TNPO1: variants seen among roughly 807,000 people sequenced by gnomAD.
TNPO1 encodes transportin-1.
In TNPO1, 8 loss-of-function variants were observed where a neutral mutation model predicts 119.5. That is an observed-to-expected ratio of 0.07 (90% CI 0.04 to 0.12). The LOEUF is 0.12. Among genes scored for constraint, TNPO1 ranks in the 10% least tolerant of loss-of-function variants. TNPO1 has a pLI of 1.00. For missense variants in TNPO1, 576 were observed against 1,089.8 expected (o/e 0.53, Z 6.64); for synonymous variants, 362 against 363.0 (o/e 1.00, Z 0.03).
intron 11 of TNPO1, among the ~76,000 whole-genome samples, chr5:72,885,220 G>GATAT: frequency 6.6e-6 from 1 of 152,356 alleles, no homozygotes; most frequent in South Asian, 2.1e-4. Flanking sequence ...CAGAAAGAGA[G>GATAT]ATATACCCAA....
intron 22 of TNPO1, among the ~76,000 whole-genome samples, chr5:72,902,524 T>A (rs533893187): frequency 7.7e-4 from 117 of 152,092 alleles, no homozygotes; most frequent in African/African-American, 2.6e-3. Context: ...TTTTTTTTTT[T>A]AATACTTAAG....
intron 1 of TNPO1, among the ~76,000 whole-genome samples, chr5:72,822,756 C>A (rs1292005809): frequency 1.3e-5 from 2 of 151,826 alleles, no homozygotes; most frequent in African/African-American, 4.8e-5. Flanking sequence ...CCATGCCCAG[C>A]TGATTTTTTG....
chr5:72,817,866 T>C (rs1226415292), intron 1 of TNPO1, among the ~76,000 whole-genome samples: 3 of 152,226 alleles, frequency 2.0e-5, no homozygotes, highest in Non-Finnish European at 4.4e-5. Context: ...AAAGCTTTCA[T>C]GTTAGAGTGG....
At position 72,912,021 on chromosome 5, in the gene TNPO1, A is replaced by C. The variant is rs1293847984; in HGVS notation, c.*3348A>C. 3 of 152,496 alleles carry C rather than the reference A, an allele frequency of 2.0e-5. No individual in the cohort carries two copies. The highest frequency in any genetic ancestry group is 2.0e-4 in the Admixed American group (3 of 15,262). 9.4% of individuals were successfully genotyped at this position (152,496 alleles called of 1,614,324 possible). A position where few individuals can be genotyped will look rare whatever the true frequency, so the allele number is the denominator to read the frequency against. On this transcript the variant is annotated 3_prime_UTR_variant, in exon 25 of 25. Transcript: ENST00000337273. ...CCACAGGTATTCATTTATTCAGGAA[A>C]GAATTTTGCTTTTTGTATTGTCTAA...
chr5:72,907,954 T>G (rs1476467037), intron 24 of TNPO1, among the ~76,000 whole-genome samples: 2 of 151,816 alleles, frequency 1.3e-5, no homozygotes, highest in African/African-American at 4.8e-5. Flanking sequence ...CTCAGGAGAC[T>G]GGGCAGGAGG....
chr5:72,853,349 G>C (rs907875387), intron 3 of TNPO1, among the ~76,000 whole-genome samples: 7 of 152,170 alleles, frequency 4.6e-5, no homozygotes, highest in Non-Finnish European at 2.9e-5. Flanking sequence ...GCTGAGGTGG[G>C]AGGATCACCT....
chr5:72,872,588 A>C lies in TNPO1; in HGVS notation c.597-51A>C, dbSNP rs374530470. 94 of 1,339,700 alleles carry C rather than the reference A, an allele frequency of 7.0e-5. 1 individual carries two copies. Among genetic ancestry groups the C allele is most frequent in the Non-Finnish European group, 9.8e-5 (93 of 949,784 alleles). 83.0% of individuals were successfully genotyped at this position (1,339,700 alleles called of 1,614,324 possible). ...GAATGTTTTTACCAATTTTCTATAG[A>C]TAGAACAAAGTTACAATGAGCATAT... On this transcript the variant is annotated intron_variant, in intron 6 of 24. Coordinates refer to ENST00000337273, the MANE Select transcript of TNPO1 (RefSeq NM_002270.4).
chr5:72,877,218 G>A lies in TNPO1; in HGVS notation c.802-10G>A. 1 of 1,479,154 alleles carries A rather than the reference G, an allele frequency of 6.8e-7. No homozygotes were observed. The allele number at this position is 1,479,154 out of a possible 1,614,324, so 91.6% of individuals were successfully genotyped here. A position where few individuals can be genotyped will look rare whatever the true frequency, so the allele number is the denominator to read the frequency against. On this transcript the variant is annotated splice_polypyrimidine_tract_variant and intron_variant, in intron 8 of 24. Transcript: ENST00000337273. ...TAAACTGACTAATATTAAGGATATT[G>A]TGTTTCCAGTACATGCTACAGAGGA...
At chr5:72,849,859 A>T (rs1745415834) in intron 2 of TNPO1, among the ~76,000 whole-genome samples, 1 of 152,184 alleles carries the variant, frequency 6.6e-6, no homozygotes, top group Admixed American at 6.5e-5. Context: ...GTATTATATG[A>T]TACAGTTACT....
At chr5:72,842,835 A>G (rs1744975417) in intron 1 of TNPO1, among the ~76,000 whole-genome samples, 1 of 152,088 alleles carries the variant, frequency 6.6e-6, no homozygotes, top group Non-Finnish European at 1.5e-5. Context: ...ATCAATTTAA[A>G]CCCCTTTCAC....
At chr5:72,880,208 C>T (rs1451488080) in intron 9 of TNPO1, among the ~76,000 whole-genome samples, 1 of 152,012 alleles carries the variant, frequency 6.6e-6, no homozygotes, top group Non-Finnish European at 1.5e-5. Context: ...AAAAAAAGCA[C>T]CAGTGTAACA....
chr5:72,894,226 C>T (rs367754237), intron 18 of TNPO1, among the ~76,000 whole-genome samples: 5 of 152,058 alleles, frequency 3.3e-5, no homozygotes, highest in East Asian at 1.9e-4. Flanking sequence ...GTGCGAGATT[C>T]GAGACTAGCA....
At chr5:72,850,465 T>G (rs994145272) in intron 2 of TNPO1, among the ~76,000 whole-genome samples, 15 of 152,210 alleles carry the variant, frequency 9.9e-5, no homozygotes, top group African/African-American at 3.4e-4. Context: ...GGAGTTTGAT[T>G]CATGGATTTA....
chr5:72,839,347 A>T (rs552413141), intron 1 of TNPO1, among the ~76,000 whole-genome samples: 2 of 152,302 alleles, frequency 1.3e-5, no homozygotes, highest in Non-Finnish European at 2.9e-5. Context: ...TGATATACAA[A>T]TGTAAATCAT....
intron 6 of TNPO1, among the ~76,000 whole-genome samples, chr5:72,871,565 A>G (rs1490445698): frequency 6.6e-6 from 1 of 152,226 alleles, no homozygotes; most frequent in Non-Finnish European, 1.5e-5. Flanking sequence ...TGGAAAAATA[A>G]TGAGATCAGG....
chr5:72,861,900 T>C lies in TNPO1; in HGVS notation c.448T>C (p.Tyr150His). The change falls in exon 5 of 25, where the codon TAT becomes CAT. Residue 150 changes from tyrosine to histidine, a missense_variant. Transcript: ENST00000337273. ...KLCSLLDSED[Y>H]NTCEGAFGAL... ...CTGTAGCCTGTTGGATTCTGAAGAT[T>C]ATAATACCTGTGAGGTAAGGATATT... 1 of 1,610,334 alleles carries C rather than the reference T, an allele frequency of 6.2e-7. No individual in the cohort carries two copies. The highest frequency in any genetic ancestry group is 8.5e-7 in the Non-Finnish European group (1 of 1,176,606).
At chr5:72,832,493 G>C (rs779021698) in intron 1 of TNPO1, among the ~76,000 whole-genome samples, 3 of 152,112 alleles carry the variant, frequency 2.0e-5, no homozygotes, top group Non-Finnish European at 4.4e-5. Flanking sequence ...ATACAAAGCA[G>C]ATATTCATCT....
chr5:72,850,780 AG>A (rs1745484448), intron 2 of TNPO1, among the ~76,000 whole-genome samples: 1 of 152,244 alleles, frequency 6.6e-6, no homozygotes, highest in African/African-American at 2.4e-5. Context: ...TGGATTCTAA[AG>A]AACAAATGAG....
rs1258745514 is a variant in TNPO1, at chr5:72,912,502, A to C, written c.*3829A>C. 6.6e-6 allele frequency: 1 copy of C among 152,502 alleles called. No individual in the cohort carries two copies. Among genetic ancestry groups the C allele is most frequent in the Non-Finnish European group, 1.5e-5 (1 of 67,926 alleles). The allele number at this position is 152,502 out of a possible 1,614,324, so 9.4% of individuals were successfully genotyped here. A position where few individuals can be genotyped will look rare whatever the true frequency, so the allele number is the denominator to read the frequency against. ...TTTTGCTTTGGTGACATGCTTATAA[A>C]GGGTCATCCTAGTTACATTCTTTGT... On this transcript the variant is annotated 3_prime_UTR_variant, in exon 25 of 25. Transcript: ENST00000337273.
Sources: gnomAD v4.1 joint callset for allele counts (sites outside exome capture counted in the v4.1 genomes callset) on GRCh38, gnomAD v4.1.1 for gene constraint, MANE v1.5 for transcripts, NCBI Gene and HGNC (gene_info 2026-07-23, HGNC 2026-07-21) for gene names.